The following HSD17B3 variants were observed in gnomAD, a reference collection of about 807,000 sequenced individuals.
HSD17B3 encodes 17-beta-hydroxysteroid dehydrogenase type 3.
Under a neutral mutation model 41.1 loss-of-function variants are expected in HSD17B3, and 29 were observed. The ratio of observed to expected loss-of-function variants is 0.71; its 90% CI spans 0.53 to 0.96. The LOEUF (loss-of-function observed/expected upper bound fraction) is 0.96. Among genes scored for constraint, HSD17B3 ranks in the 40% least tolerant of loss-of-function variants. The pLI is 0.00. For missense variants in HSD17B3, 323 were observed against 374.6 expected, an observed-to-expected ratio of 0.86 and a Z score of 1.14; for synonymous variants, 126 against 145.6, an observed-to-expected ratio of 0.87 and a Z score of 0.97.
intron 2 of HSD17B3, among the ~76,000 whole-genome samples, chr9:96,287,419 T>C (rs280663): frequency 0.39 from 59,992 of 152,082 alleles, 12,341 homozygotes; most frequent in African/African-American, 0.5. Flanking sequence ...ACCTTAATGA[T>C]AACTTTACTG....
At chr9:96,268,099 AT>A (rs1443178953) in intron 2 of HSD17B3, among the ~76,000 whole-genome samples, 7 of 152,094 alleles carry the variant, frequency 4.6e-5, no homozygotes, top group African/African-American at 1.7e-4. Flanking sequence ...TAATTTTTGT[AT>A]TTTTAGTAGT....
At chr9:96,268,284 TA>T (rs1281594014) in intron 2 of HSD17B3, among the ~76,000 whole-genome samples, 2 of 152,166 alleles carry the variant, frequency 1.3e-5, no homozygotes, top group African/African-American at 4.8e-5. Context: ...AACTAGGTGA[TA>T]GCTTTACAAT....
chr9:96,272,877 G>T (rs866178171), intron 2 of HSD17B3, among the ~76,000 whole-genome samples: 1 of 152,210 alleles, frequency 6.6e-6, no homozygotes, highest in Middle Eastern at 3.4e-3. Flanking sequence ...ATTCTACTCG[G>T]CACTAAGAAG....
chr9:96,244,705 A>G (rs528366852), intron 8 of HSD17B3, among the ~76,000 whole-genome samples: 2 of 152,332 alleles, frequency 1.3e-5, no homozygotes, highest in East Asian at 3.9e-4. Flanking sequence ...GGATATGTTA[A>G]TTCGCTTGAC....
chr9:96,262,362 G>T (rs1825894502), intron 2 of HSD17B3, among the ~76,000 whole-genome samples: 1 of 141,998 alleles, frequency 7.0e-6, no homozygotes, highest in Non-Finnish European at 1.5e-5. Context: ...CTCTGCCTCA[G>T]CCTCCCTAGT....
chr9:96,265,160 C>T (rs569983986), intron 2 of HSD17B3, among the ~76,000 whole-genome samples: 1 of 152,302 alleles, frequency 6.6e-6, no homozygotes, highest in South Asian at 2.1e-4. Flanking sequence ...AGGTTGGAAA[C>T]AGAGGAGTTG....
Position 96,245,389 on chromosome 9 carries a change from C to T in HSD17B3, c.562G>A (p.Ala188Thr). The T allele has an allele frequency of 6.2e-7, 1 of 1,614,116 alleles. No homozygotes were observed. Among genetic ancestry groups the T allele is most frequent in the Non-Finnish European group, 8.5e-7 (1 of 1,179,982 alleles). ...GAGTAGAGAGGCCAAGGAAACAGGGCTATCCCAGAAGAAATGTTCAGGATG... is the reference window on the plus strand; with the variant it reads ...GAGTAGAGAGGCCAAGGAAACAGGGTTATCCCAGAAGAAATGTTCAGGATG... The part of the protein sequence containing the change: ...GLILNISSGI[A>T]LFPWPLYSMY... The change falls in exon 8 of 11, where the codon GCC (alanine) becomes ACC (threonine). Residue 188 changes from alanine (A) to threonine (T), a missense_variant. Coordinates refer to ENST00000375263, the MANE Select transcript of HSD17B3 (RefSeq NM_000197.2).
intron 2 of HSD17B3, among the ~76,000 whole-genome samples, chr9:96,292,803 CCT>C (rs1316406095): frequency 2.0e-5 from 3 of 152,168 alleles, no homozygotes; most frequent in Non-Finnish European, 2.9e-5. Context: ...GAAACACTCC[CCT>C]GTTTATTGGG....
rs1827639691 is a variant in HSD17B3 at position 96,302,161 on chromosome 9, G to A, written c.-57C>T. 9 of 1,577,694 alleles carry A rather than the reference G, an allele frequency of 5.7e-6. No individual in the cohort carries two copies. Among genetic ancestry groups the A allele is most frequent in the Admixed American group, 5.2e-5 (3 of 57,172 alleles). On this transcript the variant is annotated 5_prime_UTR_variant, in exon 1 of 11. Transcript: ENST00000375263. ...CCGTGGCTCTCTGTGTATGCCTCCT[G>A]GGACCACGCTGCTCTGGAGACCTCC...
intron 9 of HSD17B3, among the ~76,000 whole-genome samples, chr9:96,243,187 T>G (rs892400607): frequency 6.6e-6 from 1 of 152,202 alleles, no homozygotes. Flanking sequence ...TAGGGGTTAT[T>G]TTTTTACTGC....
intron 2 of HSD17B3, among the ~76,000 whole-genome samples, chr9:96,283,407 A>G (rs1051982111): frequency 1.3e-5 from 2 of 152,206 alleles, no homozygotes; most frequent in African/African-American, 2.4e-5. Flanking sequence ...CAAACTGATG[A>G]AGATTAAATA....
chr9:96,248,963 T>C lies in HSD17B3; in HGVS notation c.489+788A>G, dbSNP rs1836785445. Among the ~76,000 whole-genome samples, 5 of 151,878 alleles carry C rather than the reference T, an allele frequency of 3.3e-5. No individual in the cohort carries two copies. The South Asian group carries it at 8.3e-4, about 25-fold the overall frequency. ...CTCTGTCGCCCAGGCTCGACTGCAG[T>C]GACACAGTCTCAGCTCACTGCAACC... is the stretch of plus-strand genomic sequence containing the variant. On this transcript the variant is annotated intron_variant, in intron 6 of 10. Coordinates refer to ENST00000375263, the MANE Select transcript of HSD17B3 (RefSeq NM_000197.2).
chr9:96,281,786 C>T (rs1010168876), intron 2 of HSD17B3, among the ~76,000 whole-genome samples: 3 of 152,320 alleles, frequency 2.0e-5, no homozygotes, highest in Non-Finnish European at 4.4e-5. Flanking sequence ...AAGCAGCCAC[C>T]TGAACTTTTC....
chr9:96,249,888 T>C, intron 5 of HSD17B3, 102 bp from the exon 6 acceptor site: 1 of 1,602,756 alleles, frequency 6.2e-7, no homozygotes, highest in Non-Finnish European at 8.5e-7. Context: ...AAAGTGCATG[T>C]CTGAACGGTT....
chr9:96,283,688 G>T (rs937012634), intron 2 of HSD17B3, among the ~76,000 whole-genome samples: 1 of 151,922 alleles, frequency 6.6e-6, no homozygotes, highest in Non-Finnish European at 1.5e-5. Context: ...GTTTTTTACT[G>T]TGGCTGTCCT....
intron 2 of HSD17B3, among the ~76,000 whole-genome samples, chr9:96,261,269 C>G (rs1345860778): frequency 6.6e-6 from 1 of 151,916 alleles, no homozygotes; most frequent in African/African-American, 2.4e-5. Flanking sequence ...GATGTTGGCT[C>G]ACTGCAACCT....
At position 96,271,320 on chromosome 9, in the gene HSD17B3, T is replaced by C. The variant is rs560899206; in HGVS notation, c.202-16377A>G. ...GAACAGGGTTTATGGTTGTGTGAGG[T>C]AGGATCCCATTTGTGCTCAGTGGGC... is the stretch of plus-strand genomic sequence containing the variant. On this transcript the variant is annotated intron_variant, in intron 2 of 10. Coordinates refer to ENST00000375263, the MANE Select transcript of HSD17B3 (RefSeq NM_000197.2). Among the ~76,000 whole-genome samples the C allele has an allele frequency of 1.0e-3, 157 of 152,298 alleles. No individual in the cohort carries two copies. The Middle Eastern group carries it at 0.017, about 16-fold the overall frequency.
chr9:96,297,976 A>G (rs928225855), intron 2 of HSD17B3, among the ~76,000 whole-genome samples: 2 of 152,240 alleles, frequency 1.3e-5, no homozygotes, highest in Admixed American at 6.5e-5. Flanking sequence ...TTTTTATAGA[A>G]TATGCTATAA....
chr9:96,255,390 T>C (rs1465612369), intron 2 of HSD17B3, among the ~76,000 whole-genome samples: 3 of 73,426 alleles, frequency 4.1e-5, no homozygotes, highest in African/African-American at 1.3e-4. Flanking sequence ...TTTTTTTTTT[T>C]TTTTTTTTTT....
Sources: gnomAD v4.1 joint callset for allele counts (sites outside exome capture counted in the v4.1 genomes callset) on GRCh38, gnomAD v4.1.1 for gene constraint, MANE v1.5 for transcripts, NCBI Gene and HGNC (gene_info 2026-07-23, HGNC 2026-07-21) for gene names.